Variants in DOCK2 observed in about 807,000 individuals in gnomAD.
DOCK2 encodes dedicator of cytokinesis 2, also known as dedicator of cytokinesis protein 2.
Under a neutral mutation model 248.9 loss-of-function variants are expected in DOCK2, and 87 were observed. That is an observed-to-expected ratio of 0.35 (90% CI 0.29 to 0.42). The LOEUF (loss-of-function observed/expected upper bound fraction) is 0.42, where lower values mean the gene tolerates loss of function less well. Among genes scored for constraint, DOCK2 ranks in the 10% least tolerant of loss-of-function variants. The pLI is 1.00. For synonymous variants in DOCK2, 805 were observed against 821.6 expected, an observed-to-expected ratio of 0.98 and a Z score of 0.35; for missense variants, 1,747 against 2,300.2, an observed-to-expected ratio of 0.76 and a Z score of 4.92.
In DOCK2 at chr5:169,776,767, C is replaced by T. The variant is rs538820428; in HGVS notation, c.2554+15142C>T. 3.3e-5 allele frequency among the ~76,000 whole-genome samples: 5 copies of T among 152,306 alleles called. No individual in the cohort carries two copies. In the East Asian group the frequency reaches 7.7e-4, roughly 24 times the overall value. On this transcript the variant is annotated intron_variant, in intron 25 of 51. Coordinates refer to ENST00000520908, the MANE Select transcript of DOCK2 (RefSeq NM_004946.3). ...TTTATAAGAGGCTTCCCCCTTTGCT[C>T]GCCACGCATTCTCACTTCGTCCTGC...
chr5:169,894,904 ATGC>A, intron 27 of DOCK2, among the ~76,000 whole-genome samples: 1 of 152,312 alleles, frequency 6.6e-6, no homozygotes, highest in South Asian at 2.1e-4. Context: ...CAAGGAGAAA[ATGC>A]TGCCAAATGT....
At chr5:169,854,475 T>A (rs1308914253) in intron 27 of DOCK2, among the ~76,000 whole-genome samples, 2 of 152,332 alleles carry the variant, frequency 1.3e-5, no homozygotes, top group East Asian at 1.9e-4. Flanking sequence ...TGAGCCACCA[T>A]GCCCAGCCCT....
Position 169,997,173 on chromosome 5 carries a change from A to G in DOCK2, c.3072+1009A>G, listed in dbSNP as rs541437640. Reference sequence around the variant, plus strand: ...TGCATCATAGACAATGTAAAGGATTAAGTGCTGTGCTTTTAGATATGCATA... The same window carrying G: ...TGCATCATAGACAATGTAAAGGATTGAGTGCTGTGCTTTTAGATATGCATA... On this transcript the variant is annotated intron_variant, in intron 30 of 51. Transcript: ENST00000520908. Among the ~76,000 whole-genome samples, 17 of 148,178 alleles carry G rather than the reference A, an allele frequency of 1.1e-4. No homozygotes were observed. In the South Asian group the frequency reaches 2.6e-3, roughly 23 times the overall value.
At chr5:169,848,457 G>A (rs1267558770) in intron 27 of DOCK2, among the ~76,000 whole-genome samples, 1 of 152,234 alleles carries the variant, frequency 6.6e-6, no homozygotes, top group Non-Finnish European at 1.5e-5. Context: ...TTGTTTGTGC[G>A]TGGTGAGGGT....
intron 8 of DOCK2, among the ~76,000 whole-genome samples, chr5:169,686,836 T>G (rs1760012214): frequency 6.6e-6 from 1 of 152,170 alleles, no homozygotes; most frequent in African/African-American, 2.4e-5. Context: ...ATGTAAATTT[T>G]TACAGGACAA....
chr5:169,815,829 C>G (rs1768038142), intron 26 of DOCK2, among the ~76,000 whole-genome samples: 1 of 152,028 alleles, frequency 6.6e-6, no homozygotes. Context: ...GGGCTCTGAC[C>G]CATAAATGGC....
intron 27 of DOCK2, among the ~76,000 whole-genome samples, chr5:169,956,302 C>A (rs547368256): frequency 6.6e-6 from 1 of 152,144 alleles, no homozygotes; most frequent in African/African-American, 2.4e-5. Flanking sequence ...TGCCTGGGAG[C>A]GGCTAGAAAA....
chr5:170,035,246 A>G (rs1756284471), intron 35 of DOCK2, among the ~76,000 whole-genome samples: 1 of 152,204 alleles, frequency 6.6e-6, no homozygotes, highest in African/African-American at 2.4e-5. Flanking sequence ...TCACCGTGTC[A>G]TCCCACCTTA....
intron 27 of DOCK2, among the ~76,000 whole-genome samples, chr5:169,965,161 G>A (rs956496779): frequency 3.3e-5 from 5 of 152,190 alleles, no homozygotes; most frequent in Admixed American, 2.0e-4. Context: ...TGCAGAGAAG[G>A]CTTACAAAAG....
intron 2 of DOCK2, among the ~76,000 whole-genome samples, chr5:169,659,429 G>C (rs1758321400): frequency 6.6e-6 from 1 of 152,154 alleles, no homozygotes; most frequent in Admixed American, 6.5e-5. Flanking sequence ...CCCCTATTAT[G>C]TAGTGCTGTA....
intron 27 of DOCK2, among the ~76,000 whole-genome samples, chr5:169,899,896 G>T (rs1008390484): frequency 3.9e-5 from 6 of 152,074 alleles, no homozygotes; most frequent in South Asian, 2.1e-4. Context: ...ATGCTATCAG[G>T]CATCTGCCCT....
intron 25 of DOCK2, chr5:169,772,956 G>C (rs946198586): frequency 1.3e-5 from 2 of 152,160 alleles, no homozygotes; most frequent in Admixed American, 1.3e-4. Flanking sequence ...CTTCAAGAAA[G>C]TACCATCGAT....
intron 27 of DOCK2, among the ~76,000 whole-genome samples, chr5:169,964,020 G>A (rs1777197135): frequency 6.6e-6 from 1 of 152,164 alleles, no homozygotes; most frequent in Non-Finnish European, 1.5e-5. Flanking sequence ...GAAGTGGCAG[G>A]ATTGGGGGAG....
chr5:169,739,236 G>A (rs144236299), intron 22 of DOCK2, among the ~76,000 whole-genome samples: 26 of 152,304 alleles, frequency 1.7e-4, no homozygotes, highest in Admixed American at 1.3e-3. Context: ...TTCTTGGGCC[G>A]TTGTGTCTCT....
chr5:169,942,920 C>T (rs1406106972), intron 27 of DOCK2, among the ~76,000 whole-genome samples: 4 of 152,226 alleles, frequency 2.6e-5, no homozygotes, highest in Admixed American at 2.6e-4. Context: ...ACAATAATCC[C>T]TTCACAATGT....
chr5:169,923,462 C>T (rs1007989386), intron 27 of DOCK2, among the ~76,000 whole-genome samples: 10 of 148,794 alleles, frequency 6.7e-5, no homozygotes, highest in East Asian at 2.0e-4. Flanking sequence ...GCAGCACATG[C>T]GTGCGTGTGC....
At chr5:169,853,777 C>T (rs962760158) in intron 27 of DOCK2, among the ~76,000 whole-genome samples, 2 of 103,418 alleles carry the variant, frequency 1.9e-5, no homozygotes, top group Non-Finnish European at 3.9e-5. Flanking sequence ...AACAATTTCA[C>T]TTTCCTTCTA....
intron 25 of DOCK2, among the ~76,000 whole-genome samples, chr5:169,800,830 GA>G (rs1766916113): frequency 6.6e-6 from 1 of 152,140 alleles, no homozygotes; most frequent in African/African-American, 2.4e-5. Flanking sequence ...CTTGGAGGGA[GA>G]GGGGACTCAG....
chr5:169,753,450 T>G (rs1429277042), intron 23 of DOCK2, among the ~76,000 whole-genome samples: 2 of 151,932 alleles, frequency 1.3e-5, no homozygotes, highest in Non-Finnish European at 2.9e-5. Context: ...ACATTTGGTA[T>G]AAAGCGGAGA....
Sources: gnomAD v4.1 joint callset for allele counts (sites outside exome capture counted in the v4.1 genomes callset) on GRCh38, gnomAD v4.1.1 for gene constraint, MANE v1.5 for transcripts, NCBI Gene and HGNC (gene_info 2026-07-23, HGNC 2026-07-21) for gene names.